Variants in HERC1 observed in about 807,000 individuals in gnomAD.
HERC1 encodes probable E3 ubiquitin-protein ligase HERC1.
A neutral mutation model predicts 554.3 loss-of-function variants in HERC1; 160 were observed. The ratio of observed to expected loss-of-function variants is 0.29; its 90% CI spans 0.25 to 0.33. The LOEUF (loss-of-function observed/expected upper bound fraction) is 0.33. Among genes scored for constraint, HERC1 ranks in the 10% least tolerant of loss-of-function variants. The pLI, the probability that HERC1 is intolerant of heterozygous loss-of-function variation, is 1.00. For synonymous variants in HERC1, 2,175 were observed against 2,131.7 expected (o/e 1.02, Z -0.56); for missense variants, 4,919 against 5,918.5 (o/e 0.83, Z 5.54).
chr15:63,790,573 G>A (rs1377139098), intron 1 of HERC1, among the ~76,000 whole-genome samples: 5 of 150,990 alleles, frequency 3.3e-5, no homozygotes, highest in African/African-American at 4.9e-5. Flanking sequence ...GCAAGACTCC[G>A]TCTCAAAAAA....
chr15:63,655,733 G>A lies in HERC1; in HGVS notation c.10084+9C>T, dbSNP rs185469753. The A allele has an allele frequency of 3.9e-4, 600 of 1,538,134 alleles. 3 individuals are homozygous for A. In the African/African-American group the frequency reaches 7.5e-3, roughly 19 times the overall value. On this transcript the variant is annotated intron_variant, in intron 50 of 77. Coordinates refer to ENST00000443617, the MANE Select transcript of HERC1 (RefSeq NM_003922.4). ...AGAAGACTGTATGTTTCAGTAGTAT[G>A]AAACTTACCTTTCTTTTCAACTTCT...
chr15:63,749,480 G>A lies in HERC1; in HGVS notation c.2106C>T (p.Ser702=). 1 of 1,613,622 alleles carries A rather than the reference G, an allele frequency of 6.2e-7. No individual in the cohort carries two copies. The highest frequency in any genetic ancestry group is 8.5e-7 in the Non-Finnish European group (1 of 1,179,700). ...TCTTTGGTTTAGTAATAGGACCTGT[G>A]GAATTTCCCTGACCACATTGCCCCA... ...NSMGQCGQGN[S]TGPITKPKKV... The change falls in exon 10 of 78, where the codon TCC becomes TCT. Residue 702 remains serine, a synonymous_variant. Transcript: ENST00000443617. The surrounding 1 kb of genome is among the most constrained non-coding windows in gnomAD (Gnocchi z 4.1).
At chr15:63,667,231 T>C (rs768338672) in intron 40 of HERC1, among the ~76,000 whole-genome samples, 1 of 152,200 alleles carries the variant, frequency 6.6e-6, no homozygotes, top group Non-Finnish European at 1.5e-5. Context: ...GAAATGTAAC[T>C]AGAAGTTCAC....
rs1159239612 is a variant in HERC1 at position 63,694,918 on chromosome 15, T to A, written c.5122-24A>T. 6.3e-7 allele frequency: 1 copy of A among 1,598,404 alleles called. No individual in the cohort carries two copies. Among genetic ancestry groups the A allele is most frequent in the Admixed American group, 1.7e-5 (1 of 57,202 alleles). ...TCCTGAATTACACATAAAGAATTAC[T>A]TTTTCTATTAGCAACAATAATACCT... On this transcript the variant is annotated intron_variant, in intron 27 of 77. Coordinates refer to ENST00000443617, the MANE Select transcript of HERC1 (RefSeq NM_003922.4). The surrounding 1 kb of genome is among the most constrained non-coding windows in gnomAD (Gnocchi z 4.3).
intron 55 of HERC1, 101 bp from the exon 56 acceptor site, chr15:63,645,783 C>A (rs2069306647): frequency 4.4e-6 from 3 of 688,588 alleles, no homozygotes; most frequent in Admixed American, 3.4e-5. Context: ...ATCTATATTT[C>A]TATAACTCAT....
intron 13 of HERC1, 112 bp from the exon 14 acceptor site, chr15:63,733,257 T>G: frequency 1.5e-6 from 1 of 689,532 alleles, no homozygotes; most frequent in African/African-American, 1.8e-5. Flanking sequence ...TAATAAATAA[T>G]CATCTTCAGG....
intron 1 of HERC1, among the ~76,000 whole-genome samples, chr15:63,783,254 T>G (rs2076338666): frequency 6.6e-6 from 1 of 152,154 alleles, no homozygotes; most frequent in Non-Finnish European, 1.5e-5. Context: ...CAAACTTCAC[T>G]GTTGTCTTGT....
In HERC1 at chr15:63,665,914, T is replaced by A; in HGVS notation, c.8555+5A>T. 2 of 1,604,354 alleles carry A rather than the reference T, an allele frequency of 1.2e-6. No individual in the cohort carries two copies. Among genetic ancestry groups the A allele is most frequent in the Non-Finnish European group, 1.7e-6 (2 of 1,172,378 alleles). ...GGAACAAAAGTACAGAAACTGGAAT[T>A]TCACCTTTCACTAAAACCTTCCTCC... is the stretch of plus-strand genomic sequence containing the variant. On this transcript the variant is annotated splice_donor_5th_base_variant and intron_variant, in intron 42 of 77. Transcript: ENST00000443617.
intron 71 of HERC1, among the ~76,000 whole-genome samples, chr15:63,625,315 T>C (rs1171935635): frequency 1.3e-5 from 2 of 152,232 alleles, no homozygotes; most frequent in Non-Finnish European, 2.9e-5. Context: ...CAACCCTGAC[T>C]GTGGTTCCAA....
intron 1 of HERC1, among the ~76,000 whole-genome samples, chr15:63,804,447 A>T (rs1213102765): frequency 6.6e-6 from 1 of 152,018 alleles, no homozygotes; most frequent in Non-Finnish European, 1.5e-5. Context: ...TTAGCCGGGC[A>T]TGGTGGCGGG....
Position 63,640,441 on chromosome 15 carries a change from T to A in HERC1, c.11612A>T (p.His3871Leu), listed in dbSNP as rs747168477. 1 of 1,612,104 alleles carries A rather than the reference T, an allele frequency of 6.2e-7. No homozygotes were observed. The highest frequency in any genetic ancestry group is 8.5e-7 in the Non-Finnish European group (1 of 1,178,420). The change falls in exon 61 of 78, where the codon CAT becomes CTT. Residue 3871 changes from histidine to leucine, a missense_variant. Coordinates refer to ENST00000443617, the MANE Select transcript of HERC1 (RefSeq NM_003922.4). The part of the protein sequence containing the change: ...LQEQYAYEKP[H>L]VVCGDQLVHS... ...AACAAGTTGGTCACCACAAACCACA[T>A]GAGGCTAAAACAAAATACAAGGATA...
rs374269292 is a variant in HERC1, at chr15:63,616,467, A to T, written c.13904T>A (p.Ile4635Asn). The T allele has an allele frequency of 6.2e-7, 1 of 1,613,948 alleles. No homozygotes were observed. ...CTCCTCGGTAATCCCACTGTCTTCA[A>T]TGTGAAGAATGCTGTTGAGAGTCTG... Reference protein sequence around the residue: ...YVQTLNSILHIEDSGITEESF... With the variant: ...YVQTLNSILHNEDSGITEESF... Residue 4635 changes from isoleucine to asparagine, a missense_variant, in exon 75 of 78, where the codon ATT (isoleucine) becomes AAT (asparagine). Transcript: ENST00000443617.
chr15:63,831,156 G>C (rs139326996), intron 1 of HERC1, among the ~76,000 whole-genome samples: 96 of 152,242 alleles, frequency 6.3e-4, no homozygotes, highest in African/African-American at 2.2e-3. Context: ...TCCCAGGCTG[G>C]AGTAGAGTGG....
chr15:63,703,283 C>T lies in HERC1; in HGVS notation c.4636+3497G>A, dbSNP rs2899694. On this transcript the variant is annotated intron_variant, in intron 25 of 77. Coordinates refer to ENST00000443617, the MANE Select transcript of HERC1 (RefSeq NM_003922.4). Reference sequence around the variant, plus strand: ...ACTGAAGTGAGGGGAGAAAAAGGCGCAATTGTGGTTCAACAGCGTGAATCT... The same window carrying T: ...ACTGAAGTGAGGGGAGAAAAAGGCGTAATTGTGGTTCAACAGCGTGAATCT... 7.1e-3 allele frequency among the ~76,000 whole-genome samples: 1,087 copies of T among 152,222 alleles called. 14 individuals carry two copies. Among genetic ancestry groups the T allele is most frequent in the African/African-American group, 0.025 (1,047 of 41,538 alleles).
At chr15:63,762,782 G>C (rs2075653304) in intron 3 of HERC1, among the ~76,000 whole-genome samples, 2 of 152,166 alleles carry the variant, frequency 1.3e-5, no homozygotes, top group Admixed American at 1.3e-4. Context: ...CAGTCAATAA[G>C]GGAATCTCTT....
chr15:63,737,965 G>A (rs1469735839), intron 12 of HERC1, among the ~76,000 whole-genome samples: 1 of 152,062 alleles, frequency 6.6e-6, no homozygotes, highest in Non-Finnish European at 1.5e-5. Flanking sequence ...TTTTCAAACT[G>A]TTTAAGTGTG....
chr15:63,740,955 T>G (rs950992180), intron 12 of HERC1, among the ~76,000 whole-genome samples: 3 of 152,152 alleles, frequency 2.0e-5, no homozygotes, highest in African/African-American at 4.8e-5. Flanking sequence ...CCTTTGGTTG[T>G]TTGTGCTTTT....
At chr15:63,833,748 C>A (rs2078244122) in intron 1 of HERC1, 79 bp downstream of exon 1, 1 of 28,480 alleles carries the variant, frequency 3.5e-5, no homozygotes, top group Non-Finnish European at 1.1e-4. Context: ...CACACACGCG[C>A]GCGCGCACAC....
chr15:63,778,715 A>C (rs1477744589), intron 1 of HERC1, among the ~76,000 whole-genome samples: 1 of 152,218 alleles, frequency 6.6e-6, no homozygotes, highest in Non-Finnish European at 1.5e-5. Context: ...AATACTCGAT[A>C]CCACAAAAAC....
Sources: gnomAD v4.1 joint callset for allele counts (sites outside exome capture counted in the v4.1 genomes callset) on GRCh38, gnomAD v4.1.1 for gene constraint, Gnocchi (gnomAD v3.1) non-coding constraint, MANE v1.5 for transcripts, NCBI Gene and HGNC (gene_info 2026-07-23, HGNC 2026-07-21) for gene names.